Variants in UBE2U observed in about 807,000 individuals in gnomAD.
UBE2U encodes ubiquitin conjugating enzyme E2 U.
UBE2U carries 39 observed loss-of-function variants against 41.2 expected under a neutral mutation model. That is an observed-to-expected ratio of 0.95 (90% CI 0.73 to 1.24). UBE2U has a LOEUF of 1.24. Ranked by LOEUF, UBE2U falls within the 50% of genes most tolerant of loss-of-function variation. UBE2U has a pLI of 0.00. For missense variants in UBE2U, 336 were observed against 363.1 expected (o/e 0.93, Z 0.61); for synonymous variants, 107 against 117.8 (o/e 0.91, Z 0.60).
At chr1:64,214,694 C>T in intron 4 of UBE2U, 121 bp from the exon 5 acceptor site, 2 of 695,640 alleles carry the variant, frequency 2.9e-6, no homozygotes, top group Non-Finnish European at 5.0e-6. Context: ...TAATCTATTT[C>T]CAGATCCATA....
intron 3 of UBE2U, among the ~76,000 whole-genome samples, chr1:64,209,697 A>G (rs760431237): frequency 1.1e-4 from 15 of 138,696 alleles, no homozygotes; most frequent in Non-Finnish European, 1.9e-4. Context: ...CCGCCCCGCA[A>G]AAGATGGCTA....
chr1:64,207,264 C>A (rs963158700), intron 3 of UBE2U, among the ~76,000 whole-genome samples: 1 of 152,134 alleles, frequency 6.6e-6, no homozygotes, highest in Non-Finnish European at 1.5e-5. Flanking sequence ...GATTCTCCTG[C>A]CTCAGCCTCC....
At chr1:64,241,568 G>A (rs1644835422) in intron 7 of UBE2U, 84 bp from the exon 8 acceptor site, 1 of 928,848 alleles carries the variant, frequency 1.1e-6, no homozygotes, top group Admixed American at 2.5e-5. Flanking sequence ...AAGTTAATGA[G>A]AAGTGAATGA....
intron 3 of UBE2U, 77 bp from the exon 4 acceptor site, chr1:64,210,665 C>A (rs1651607376): frequency 1.0e-6 from 1 of 979,340 alleles, no homozygotes; most frequent in Non-Finnish European, 1.4e-6. Flanking sequence ...ATTTTTCTGG[C>A]TTATCATTTT....
At chr1:64,240,928 C>T (rs958120435) in intron 7 of UBE2U, among the ~76,000 whole-genome samples, 1 of 151,946 alleles carries the variant, frequency 6.6e-6, no homozygotes, top group East Asian at 1.9e-4. Flanking sequence ...TGGGGTTTCA[C>T]CACATTGGCC....
At chr1:64,239,164 AAG>A (rs1314078314) in intron 7 of UBE2U, among the ~76,000 whole-genome samples, 4 of 84,352 alleles carry the variant, frequency 4.7e-5, no homozygotes, top group South Asian at 4.4e-4. Flanking sequence ...AAGAAAGAAG[AAG>A]AAGAAGAAGA....
intron 6 of UBE2U, among the ~76,000 whole-genome samples, chr1:64,226,738 TAA>T (rs11311272): frequency 0.25 from 37,125 of 147,970 alleles, 6,471 homozygotes; most frequent in African/African-American, 0.48. Context: ...AAATAAAACT[TAA>T]AAAAAAAAAA....
At chr1:64,223,322 G>A (rs976242655) in intron 6 of UBE2U, among the ~76,000 whole-genome samples, 1 of 152,116 alleles carries the variant, frequency 6.6e-6, no homozygotes, top group Non-Finnish European at 1.5e-5. Flanking sequence ...TTCTGAAAGG[G>A]AGACAGTGCA....
intron 7 of UBE2U, among the ~76,000 whole-genome samples, chr1:64,239,178 G>GAAGAAGA (rs1644782812): frequency 2.3e-5 from 2 of 88,432 alleles, no homozygotes; most frequent in South Asian, 9.3e-4. Flanking sequence ...AGAAGAAGAA[G>GAAGAAGA]AAGAAGAAGA....
intron 6 of UBE2U, among the ~76,000 whole-genome samples, chr1:64,226,004 ACTC>A (rs1158256168): frequency 2.0e-5 from 3 of 152,176 alleles, no homozygotes; most frequent in African/African-American, 7.2e-5. Flanking sequence ...CAGTAATTCT[ACTC>A]CTAAGTATAT....
In UBE2U at chr1:64,239,178, GAAGAAGAAGAAGAAA is replaced by G. The variant is rs1476338013; in HGVS notation, c.596-2473_596-2459del. ...GAAGAAAGAAGAAGAAGAAGAAGAA[GAAGAAGAAGAAGAAA>G]GCCCCAGACAAGGACAAGACTGGTG... On this transcript the variant is annotated intron_variant, in intron 7 of 9. Coordinates refer to ENST00000371077, the MANE Select transcript of UBE2U (RefSeq NM_001366232.2). Among the ~76,000 whole-genome samples the G allele has an allele frequency of 1.1e-4, 10 of 88,432 alleles. No individual in the cohort carries two copies. In the East Asian group the frequency reaches 3.5e-3, roughly 31 times the overall value. 58.0% of individuals were successfully genotyped at this position (88,432 alleles called of 152,430 possible).
intron 5 of UBE2U, chr1:64,215,554 C>G (rs1268284869): frequency 6.6e-6 from 1 of 152,264 alleles, no homozygotes; most frequent in Non-Finnish European, 1.5e-5. Context: ...ACTCTTCAAT[C>G]TGTAATGGAC....
intron 6 of UBE2U, among the ~76,000 whole-genome samples, chr1:64,223,463 T>A (rs907374940): frequency 6.6e-6 from 1 of 152,122 alleles, no homozygotes; most frequent in African/African-American, 2.4e-5. Flanking sequence ...TTGAATCATA[T>A]CTAAAATGAG....
At chr1:64,252,508 T>C (rs1175853958) in intron 8 of UBE2U, among the ~76,000 whole-genome samples, 1 of 152,074 alleles carries the variant, frequency 6.6e-6, no homozygotes, top group Non-Finnish European at 1.5e-5. Context: ...GGGACAGCAA[T>C]AGGTCAGTAT....
At chr1:64,225,630 A>T (rs909927350) in intron 6 of UBE2U, among the ~76,000 whole-genome samples, 1 of 152,246 alleles carries the variant, frequency 6.6e-6, no homozygotes, top group Admixed American at 6.5e-5. Context: ...GGGGCAAGAC[A>T]ATGGTGGTTC....
Position 64,204,035 on chromosome 1 carries a change from C to A in UBE2U, c.-16C>A, listed in dbSNP as rs1423563471. The A allele has an allele frequency of 6.2e-7, 1 of 1,612,370 alleles. No homozygotes were observed. The highest frequency in any genetic ancestry group is 1.3e-5 in the African/African-American group (1 of 74,842). On this transcript the variant is annotated 5_prime_UTR_variant, in exon 1 of 10. Coordinates refer to ENST00000371077, the MANE Select transcript of UBE2U (RefSeq NM_001366232.2). Reference sequence around the variant, plus strand: ...GAGGCATTTGGGGACAAGTGTCAGACCCTCCGCTGCCTATCATGCACGGCA... The same window carrying A: ...GAGGCATTTGGGGACAAGTGTCAGAACCTCCGCTGCCTATCATGCACGGCA...
At chr1:64,218,527 G>T (rs1360779322) in intron 5 of UBE2U, among the ~76,000 whole-genome samples, 2 of 152,148 alleles carry the variant, frequency 1.3e-5, no homozygotes, top group African/African-American at 4.8e-5. Flanking sequence ...CCTGCCAGAG[G>T]CAACAATAGC....
chr1:64,256,605 C>G (rs2100530077), intron 8 of UBE2U, among the ~76,000 whole-genome samples: 1 of 152,166 alleles, frequency 6.6e-6, no homozygotes, highest in East Asian at 1.9e-4. Context: ...TTCCACCTTA[C>G]ACAAAAATTA....
At chr1:64,247,867 A>C (rs1468859438) in intron 8 of UBE2U, among the ~76,000 whole-genome samples, 1 of 52,622 alleles carries the variant, frequency 1.9e-5, no homozygotes, top group East Asian at 4.1e-4. Flanking sequence ...TGTCTCACAA[A>C]AAAAAAAAAA....
Sources: gnomAD v4.1 joint callset for allele counts (sites outside exome capture counted in the v4.1 genomes callset) on GRCh38, gnomAD v4.1.1 for gene constraint, MANE v1.5 for transcripts, NCBI Gene and HGNC (gene_info 2026-07-23, HGNC 2026-07-21) for gene names.